KIF13A: variants seen among roughly 807,000 people sequenced by gnomAD.
The protein encoded by KIF13A is kinesin family member 13A.
KIF13A carries 79 observed loss-of-function variants against 212.2 expected under a neutral mutation model. The observed-to-expected ratio is 0.37, with a 90% CI of 0.31 to 0.45. The LOEUF is 0.45. Ranked by LOEUF, KIF13A falls within the 20% of genes least tolerant of loss-of-function variation. KIF13A has a pLI of 1.00. For missense variants in KIF13A, 1,901 were observed against 2,209.0 expected (o/e 0.86, Z 2.79); for synonymous variants, 789 against 808.6 (o/e 0.98, Z 0.41).
chr6:17,920,694 T>C (rs907831367), intron 2 of KIF13A, among the ~76,000 whole-genome samples: 5 of 152,094 alleles, frequency 3.3e-5, no homozygotes, highest in African/African-American at 1.2e-4. Flanking sequence ...GCCATCATGG[T>C]GAAACCCTGT....
chr6:17,976,664 C>T (rs563587784), intron 2 of KIF13A, among the ~76,000 whole-genome samples: 3 of 152,338 alleles, frequency 2.0e-5, no homozygotes, highest in Non-Finnish European at 4.4e-5. Context: ...AAGGGCTTCT[C>T]AAGTGCCGCC....
Position 17,888,114 on chromosome 6 carries a change from A to G in KIF13A, c.159+10054T>C, listed in dbSNP as rs1368998966. 6.6e-6 allele frequency among the ~76,000 whole-genome samples: 1 copy of G among 152,160 alleles called. No homozygotes were observed. Among genetic ancestry groups the G allele is most frequent in the African/African-American group, 2.4e-5 (1 of 41,438 alleles). On this transcript the variant is annotated intron_variant, in intron 3 of 38. Coordinates refer to ENST00000259711, the MANE Select transcript of KIF13A (RefSeq NM_022113.6). This position sits in a 1 kb window ranked among gnomAD's most constrained non-coding sequence, Gnocchi z 4.8. ...TATGAAGCCTTCTTCCTCAGAAGAC[A>G]CAAGACACAAAGTACTGAAGTAGTG...
In KIF13A at chr6:17,825,585, G is replaced by T. The variant is rs895888474; in HGVS notation, c.1786+183C>A. 1.3e-5 allele frequency among the ~76,000 whole-genome samples: 2 copies of T among 152,172 alleles called. No individual in the cohort carries two copies. Among genetic ancestry groups the T allele is most frequent in the Non-Finnish European group, 2.9e-5 (2 of 68,034 alleles). On this transcript the variant is annotated intron_variant, in intron 16 of 38. Transcript: ENST00000259711. This position sits in a 1 kb window ranked among gnomAD's most constrained non-coding sequence, Gnocchi z 4.5. The stretch of plus-strand genomic sequence containing the variant: ...ATCCATATCCTCATTGTAACTGAGG[G>T]AGAAGACCATCTCCCCCACATCTTG...
intron 2 of KIF13A, among the ~76,000 whole-genome samples, chr6:17,906,613 T>A (rs1184943495): frequency 6.6e-6 from 1 of 151,876 alleles, no homozygotes; most frequent in Non-Finnish European, 1.5e-5. Flanking sequence ...CACACCCAGC[T>A]AATTTTTGTA....
In KIF13A at chr6:17,764,161, A is replaced by G. The variant is rs1247707848; in HGVS notation, c.5367T>C (p.Asn1789=). ...CTGCCTCTGGAATTATTACCTGGTCATTCTCTAACTTGGAATGCAGCTGGC... is the reference window on the plus strand; with the variant it reads ...CTGCCTCTGGAATTATTACCTGGTCGTTCTCTAACTTGGAATGCAGCTGGC... ...HPSQLHSKLE[N]DQVIIPEAAF... Residue 1789 remains asparagine, a synonymous_variant, in exon 39 of 39, where the codon AAT becomes AAC. Coordinates refer to ENST00000259711, the MANE Select transcript of KIF13A (RefSeq NM_022113.6). This position sits in a 1 kb window ranked among gnomAD's most constrained non-coding sequence, Gnocchi z 5.1. 1 of 1,614,028 alleles carries G rather than the reference A, an allele frequency of 6.2e-7. No individual in the cohort carries two copies. The highest frequency in any genetic ancestry group is 1.1e-5 in the South Asian group (1 of 91,074).
chr6:17,871,848 C>T lies in KIF13A; in HGVS notation c.220+1529G>A, dbSNP rs1036606291. 2.0e-5 allele frequency among the ~76,000 whole-genome samples: 3 copies of T among 152,114 alleles called. No individual in the cohort carries two copies. The highest frequency in any genetic ancestry group is 4.4e-5 in the Non-Finnish European group (3 of 68,018). On this transcript the variant is annotated intron_variant, in intron 4 of 38. Coordinates refer to ENST00000259711, the MANE Select transcript of KIF13A (RefSeq NM_022113.6). This position sits in a 1 kb window ranked among gnomAD's most constrained non-coding sequence, Gnocchi z 4.4. ...AACATAAATTGAACACGGTTAATGA[C>T]GGGTTTGTATAACCATAGCATTTAT...
intron 2 of KIF13A, among the ~76,000 whole-genome samples, chr6:17,922,621 A>G (rs6912299): frequency 0.51 from 76,418 of 150,172 alleles, 20,768 homozygotes; most frequent in Non-Finnish European, 0.62. Flanking sequence ...AAAAAAAAAA[A>G]AAAGAAAGAA....
At chr6:17,804,629 A>C in intron 19 of KIF13A, 119 bp from the exon 20 acceptor site, 1 of 1,016,350 alleles carries the variant, frequency 9.8e-7, no homozygotes. Context: ...TTAAACAGCA[A>C]GTAAAATTAT....
chr6:17,810,611 A>G (rs1376859159), intron 17 of KIF13A, among the ~76,000 whole-genome samples: 1 of 152,198 alleles, frequency 6.6e-6, no homozygotes, highest in African/African-American at 2.4e-5. Context: ...TTATATTGTA[A>G]TAGACAATGA....
intron 2 of KIF13A, among the ~76,000 whole-genome samples, chr6:17,909,808 C>T (rs188380025): frequency 3.9e-5 from 6 of 152,154 alleles, no homozygotes; most frequent in African/African-American, 1.4e-4. Flanking sequence ...GCAGGAGAAC[C>T]TGGGAGGCAG....
intron 2 of KIF13A, among the ~76,000 whole-genome samples, chr6:17,917,223 T>C (rs1268133232): frequency 1.4e-5 from 2 of 146,528 alleles, no homozygotes; most frequent in South Asian, 2.2e-4. Context: ...ATATTCTACA[T>C]TTTACACGAT....
At chr6:17,965,020 G>C (rs1462931833) in intron 2 of KIF13A, among the ~76,000 whole-genome samples, 1 of 151,900 alleles carries the variant, frequency 6.6e-6, no homozygotes, top group African/African-American at 2.4e-5. Context: ...GTAGAGATGG[G>C]GTTTCACCAT....
At chr6:17,841,328 G>A (rs10949463) in intron 9 of KIF13A, among the ~76,000 whole-genome samples, 44,987 of 152,002 alleles carry the variant, frequency 0.3, 6,967 homozygotes, top group South Asian at 0.38. Context: ...GCCTCCCAAA[G>A]TGCTGGGATT....
intron 9 of KIF13A, among the ~76,000 whole-genome samples, chr6:17,841,884 T>A (rs886700340): frequency 1.3e-5 from 2 of 151,808 alleles, no homozygotes; most frequent in African/African-American, 4.8e-5. Context: ...CAAAACCTGT[T>A]AGAAAGTTCA....
At position 17,837,676 on chromosome 6, in the gene KIF13A, C is replaced by A. The variant is rs908751683; in HGVS notation, c.831-93G>T. ...ACAATAAAGCTCCACAGTTAATACACGTTGGTGGCTCACGCCCGTAATCCC... is the reference window on the plus strand; with the variant it reads ...ACAATAAAGCTCCACAGTTAATACAAGTTGGTGGCTCACGCCCGTAATCCC... On this transcript the variant is annotated intron_variant, in intron 9 of 38. Coordinates refer to ENST00000259711, the MANE Select transcript of KIF13A (RefSeq NM_022113.6). The surrounding 1 kb of genome is among the most constrained non-coding windows in gnomAD (Gnocchi z 5.4). The A allele has an allele frequency of 2.3e-6, 2 of 865,852 alleles. No homozygotes were observed. Among genetic ancestry groups the A allele is most frequent in the Middle Eastern group, 2.6e-4 (1 of 3,872 alleles). 53.6% of individuals were successfully genotyped at this position (865,852 alleles called of 1,614,324 possible).
At chr6:17,980,645 G>A (rs1290472260) in intron 2 of KIF13A, among the ~76,000 whole-genome samples, 2 of 151,790 alleles carry the variant, frequency 1.3e-5, no homozygotes, top group African/African-American at 4.8e-5. Context: ...AAGTAATTAA[G>A]TACACAGAAA....
At chr6:17,812,315 GT>G (rs571398108) in intron 17 of KIF13A, 3 of 150,116 alleles carry the variant, frequency 2.0e-5, no homozygotes, top group African/African-American at 2.4e-5. Flanking sequence ...GCAGGTTTTT[GT>G]TTTTTTTTCC....
downstream of KIF13A, among the ~76,000 whole-genome samples, chr6:17,763,170 C>T (rs1758663601): frequency 1.3e-5 from 2 of 152,166 alleles, no homozygotes; most frequent in Non-Finnish European, 2.9e-5. Flanking sequence ...GGCAAAAACT[C>T]ATTTTGTTCC....
At chr6:17,955,985 A>G (rs529932644) in intron 2 of KIF13A, among the ~76,000 whole-genome samples, 2 of 152,300 alleles carry the variant, frequency 1.3e-5, no homozygotes, top group East Asian at 3.9e-4. Context: ...TATTTTCCAG[A>G]TCTTAAGCAC....
Sources: allele counts gnomAD v4.1 joint callset (sites outside exome capture counted in the v4.1 genomes callset), GRCh38; gene constraint gnomAD v4.1.1; non-coding constraint Gnocchi (gnomAD v3.1); transcripts MANE v1.5; gene names NCBI Gene and HGNC (gene_info 2026-07-23, HGNC 2026-07-21).